The following INPP4B variants were observed in gnomAD, a reference collection of about 807,000 sequenced individuals.
The protein encoded by INPP4B is inositol polyphosphate 4-phosphatase type II.
In INPP4B, 55 loss-of-function variants were observed where a neutral mutation model predicts 122.5. That is an observed-to-expected ratio of 0.45 (90% CI 0.36 to 0.56). The LOEUF (loss-of-function observed/expected upper bound fraction) is 0.56, where lower values mean the gene tolerates loss of function less well. Among genes scored for constraint, INPP4B ranks in the 20% least tolerant of loss-of-function variants. INPP4B has a pLI of 0.00. For synonymous variants in INPP4B, 403 were observed against 388.7 expected, an observed-to-expected ratio of 1.04 and a Z score of -0.43; for missense variants, 1,000 against 1,097.7, an observed-to-expected ratio of 0.91 and a Z score of 1.26.
chr4:142,789,749 C>T (rs12502865), intron 1 of INPP4B, among the ~76,000 whole-genome samples: 13,357 of 151,854 alleles, frequency 0.088, 737 homozygotes, highest in African/African-American at 0.15. Context: ...CTAAAATTCA[C>T]ATGGAACCAA....
intron 2 of INPP4B, among the ~76,000 whole-genome samples, chr4:142,641,290 T>C (rs1560905546): frequency 6.6e-6 from 1 of 152,140 alleles, no homozygotes; most frequent in Non-Finnish European, 1.5e-5. Flanking sequence ...TTTATTATAC[T>C]TTAAGTTCTA....
rs199861703 is a variant in INPP4B at position 142,106,371 on chromosome 4, C to T, written c.2374+1722G>A. On this transcript the variant is annotated intron_variant, in intron 23 of 25. Coordinates refer to ENST00000262992, the MANE Select transcript of INPP4B (RefSeq NM_001101669.3). ...TTGGCTCACTGCAACTTCTGTCTCC[C>T]GGGCTCAAGCCATACTCCCACCCCT... Among the ~76,000 whole-genome samples the T allele has an allele frequency of 3.0e-4, 45 of 152,174 alleles. No homozygotes were observed. In the East Asian group the frequency reaches 7.0e-3, roughly 24 times the overall value.
chr4:142,432,180 A>T (rs1350734137), intron 3 of INPP4B, among the ~76,000 whole-genome samples: 1 of 152,142 alleles, frequency 6.6e-6, no homozygotes, highest in Non-Finnish European at 1.5e-5. Context: ...TAAAAAATCA[A>T]TGTTGTTTTA....
chr4:142,692,360 T>C (rs1029772971), intron 2 of INPP4B, among the ~76,000 whole-genome samples: 2 of 152,182 alleles, frequency 1.3e-5, no homozygotes, highest in African/African-American at 4.8e-5. Context: ...CCACCTTCTA[T>C]TTGCCGACAA....
At chr4:142,158,858 A>G (rs1377904766) in intron 17 of INPP4B, among the ~76,000 whole-genome samples, 1 of 151,986 alleles carries the variant, frequency 6.6e-6, no homozygotes, top group Non-Finnish European at 1.5e-5. Context: ...AAAAATTCCA[A>G]GATTCTCACT....
intron 2 of INPP4B, among the ~76,000 whole-genome samples, chr4:142,689,944 G>T (rs974124147): frequency 6.6e-6 from 1 of 152,246 alleles, no homozygotes; most frequent in East Asian, 1.9e-4. Context: ...ATCTTGCAAC[G>T]TAGATAGATC....
chr4:142,784,803 A>G (rs1452072022), intron 1 of INPP4B, among the ~76,000 whole-genome samples: 1 of 152,096 alleles, frequency 6.6e-6, no homozygotes, highest in Non-Finnish European at 1.5e-5. Flanking sequence ...AGCATTCCTC[A>G]TACCAAAGTC....
intron 7 of INPP4B, among the ~76,000 whole-genome samples, chr4:142,398,546 A>C (rs936657717): frequency 4.7e-5 from 7 of 149,714 alleles, no homozygotes; most frequent in Non-Finnish European, 1.0e-4. Flanking sequence ...AAGAAAGCCA[A>C]CTATCAGAAT....
At chr4:142,776,945 C>T (rs1774011154) in intron 1 of INPP4B, among the ~76,000 whole-genome samples, 1 of 152,098 alleles carries the variant, frequency 6.6e-6, no homozygotes, top group Non-Finnish European at 1.5e-5. Flanking sequence ...TTCAAGGTTG[C>T]TTTTAATCTG....
rs557033486 is a variant in INPP4B at position 142,306,795 on chromosome 4, A to C, written c.424-1258T>G. Among the ~76,000 whole-genome samples the C allele has an allele frequency of 2.0e-5, 3 of 152,270 alleles. No homozygotes were observed. The East Asian group carries it at 5.8e-4, about 29-fold the overall frequency. On this transcript the variant is annotated intron_variant, in intron 8 of 25. Coordinates refer to ENST00000262992, the MANE Select transcript of INPP4B (RefSeq NM_001101669.3). ...GAGGCTGAGGCAGGAGGACTGCTTG[A>C]GGCCAGGAGTTCAAGGCTGCAATGA...
chr4:142,536,580 C>T (rs957610354), intron 2 of INPP4B, among the ~76,000 whole-genome samples: 1 of 152,090 alleles, frequency 6.6e-6, no homozygotes, highest in Admixed American at 6.6e-5. Context: ...GAGTGGTGTG[C>T]CCTGGCATTT....
In INPP4B at chr4:142,783,298, G is replaced by T. The variant is rs369780831; in HGVS notation, c.-253-57397C>A. Among the ~76,000 whole-genome samples the T allele has an allele frequency of 5.3e-5, 8 of 152,144 alleles. No homozygotes were observed. The East Asian group carries it at 1.2e-3, about 22-fold the overall frequency. On this transcript the variant is annotated intron_variant, in intron 1 of 25. Transcript: ENST00000262992. ...AGGGCTAATATCCAGAATCTACAATGAACTCAAACAAATTTACAAGAAAAA... is the reference window on the plus strand; with the variant it reads ...AGGGCTAATATCCAGAATCTACAATTAACTCAAACAAATTTACAAGAAAAA...
At chr4:142,412,366 C>T (rs1804792887) in intron 5 of INPP4B, among the ~76,000 whole-genome samples, 1 of 152,088 alleles carries the variant, frequency 6.6e-6, no homozygotes, top group Non-Finnish European at 1.5e-5. Context: ...TCCTTCCCCT[C>T]AAGAATTTTA....
At chr4:142,545,840 A>C (rs1829582750) in intron 2 of INPP4B, among the ~76,000 whole-genome samples, 1 of 133,496 alleles carries the variant, frequency 7.5e-6, no homozygotes. Context: ...TATATATAAA[A>C]TGGTCTGTTG....
chr4:142,489,879 A>T (rs1821659658), intron 2 of INPP4B, among the ~76,000 whole-genome samples: 1 of 152,176 alleles, frequency 6.6e-6, no homozygotes, highest in African/African-American at 2.4e-5. Context: ...CTTCCTTCTC[A>T]GGTAATAATC....
intron 2 of INPP4B, among the ~76,000 whole-genome samples, chr4:142,498,601 C>A (rs1223362665): frequency 6.6e-6 from 1 of 151,830 alleles, no homozygotes. Context: ...CCAGCCTAAG[C>A]AACATGGCAA....
intron 1 of INPP4B, among the ~76,000 whole-genome samples, chr4:142,807,786 G>A (rs1176315381): frequency 1.6e-5 from 2 of 126,898 alleles, no homozygotes; most frequent in Non-Finnish European, 3.3e-5. Flanking sequence ...CAGTATCTTA[G>A]CTGTAAGAAT....
rs1188726321 is a variant in INPP4B, at chr4:142,525,001, C to A, written c.-190-62275G>T. On this transcript the variant is annotated intron_variant, in intron 2 of 25. Coordinates refer to ENST00000262992, the MANE Select transcript of INPP4B (RefSeq NM_001101669.3). ...TATCTAGAAAACCCCATTGTCTCAG[C>A]CCAAAATCTCCTTAAGCTGATAAGC... is the stretch of plus-strand genomic sequence containing the variant. Among the ~76,000 whole-genome samples the A allele has an allele frequency of 4.6e-5, 7 of 151,856 alleles. No individual in the cohort carries two copies. In the East Asian group the frequency reaches 1.4e-3, roughly 29 times the overall value.
At chr4:142,786,770 T>C (rs1039356113) in intron 1 of INPP4B, among the ~76,000 whole-genome samples, 2 of 152,014 alleles carry the variant, frequency 1.3e-5, no homozygotes, top group African/African-American at 4.8e-5. Context: ...TGCTGTATAA[T>C]CAAGAAAACA....
Sources: gnomAD v4.1 joint callset for allele counts (sites outside exome capture counted in the v4.1 genomes callset) on GRCh38, gnomAD v4.1.1 for gene constraint, MANE v1.5 for transcripts, NCBI Gene and HGNC (gene_info 2026-07-23, HGNC 2026-07-21) for gene names.